Variants in PDLIM5 observed in about 807,000 individuals in gnomAD.
The protein encoded by PDLIM5 is PDZ and LIM domain protein 5.
Under a neutral mutation model 64.2 loss-of-function variants are expected in PDLIM5, and 34 were observed. The observed-to-expected ratio is 0.53, with a 90% CI of 0.40 to 0.71. The LOEUF (loss-of-function observed/expected upper bound fraction) is 0.71, where lower values mean the gene tolerates loss of function less well. Among genes scored for constraint, PDLIM5 ranks in the 30% least tolerant of loss-of-function variants. The pLI is 0.00. For synonymous variants in PDLIM5, 253 were observed against 269.1 expected (o/e 0.94, Z 0.59); for missense variants, 683 against 733.6 (o/e 0.93, Z 0.80).
At chr4:94,629,271 C>T (rs1739949622) in intron 8 of PDLIM5, among the ~76,000 whole-genome samples, 1 of 152,020 alleles carries the variant, frequency 6.6e-6, no homozygotes, top group African/African-American at 2.4e-5. Flanking sequence ...ATTGCTTGAA[C>T]CTGGGGGGCG....
intron 5 of PDLIM5, among the ~76,000 whole-genome samples, chr4:94,580,717 G>T (rs1316739845): frequency 6.6e-6 from 1 of 152,000 alleles, no homozygotes; most frequent in Non-Finnish European, 1.5e-5. Context: ...CATGCCAAGA[G>T]ATTACATACC....
At chr4:94,571,315 CT>C (rs1445501926) in intron 3 of PDLIM5, among the ~76,000 whole-genome samples, 9 of 152,178 alleles carry the variant, frequency 5.9e-5, no homozygotes, top group African/African-American at 2.2e-4. Context: ...TTGGATACTA[CT>C]TTTACAAAAG....
intron 7 of PDLIM5, chr4:94,608,294 T>C (rs1275071316): frequency 3.9e-6 from 2 of 518,784 alleles, no homozygotes; most frequent in Admixed American, 7.4e-5. Context: ...ATCATTAACC[T>C]ATAGACAAGA....
intron 2 of PDLIM5, among the ~76,000 whole-genome samples, chr4:94,521,708 T>C (rs568143142): frequency 1.3e-5 from 2 of 152,086 alleles, no homozygotes; most frequent in East Asian, 3.9e-4. Flanking sequence ...ATTACCTTTA[T>C]ATTACTACTG....
intron 2 of PDLIM5, among the ~76,000 whole-genome samples, chr4:94,511,558 A>G (rs1393515262): frequency 6.6e-6 from 1 of 151,370 alleles, no homozygotes; most frequent in African/African-American, 2.4e-5. Context: ...AGTCTCATAC[A>G]TTCCTTTTAA....
rs748071429 is a variant in PDLIM5 at position 94,576,014 on chromosome 4, T to A, written c.690T>A (p.Gly230=). The change falls in exon 5 of 13, where the codon GGT becomes GGA. Residue 230 remains glycine (G), a synonymous_variant. Coordinates refer to ENST00000317968, the MANE Select transcript of PDLIM5 (RefSeq NM_006457.5). ...LAEGQRRGSQ[G]DSKQQNGPPR... ...AGGGACAGAGAAGAGGATCCCAGGG[T>A]GACAGTAAACAGCAAAATGGGTAGG... is the stretch of plus-strand genomic sequence containing the variant. The A allele has an allele frequency of 6.2e-7, 1 of 1,613,734 alleles. No homozygotes were observed. Among genetic ancestry groups the A allele is most frequent in the South Asian group, 1.1e-5 (1 of 91,042 alleles).
chr4:94,558,113 T>C lies in PDLIM5; in HGVS notation c.249-15238T>C, dbSNP rs555626673. On this transcript the variant is annotated intron_variant, in intron 3 of 12. Transcript: ENST00000317968. ...CCTAATTTATTGAGAGTTTTTAGCA[T>C]CAAGGGCTGTTGAATTTTGTCAAAA... Among the ~76,000 whole-genome samples, 4 of 152,346 alleles carry C rather than the reference T, an allele frequency of 2.6e-5. 1 individual carries two copies. The South Asian group carries it at 8.3e-4, about 32-fold the overall frequency.
chr4:94,489,860 G>A (rs996760454), intron 2 of PDLIM5, among the ~76,000 whole-genome samples: 1 of 151,888 alleles, frequency 6.6e-6, no homozygotes, highest in African/African-American at 2.4e-5. Flanking sequence ...TCTTCATTTG[G>A]TTGCTCTAAT....
At chr4:94,521,882 A>G (rs1560674412) in intron 2 of PDLIM5, among the ~76,000 whole-genome samples, 1 of 152,126 alleles carries the variant, frequency 6.6e-6, no homozygotes, top group Non-Finnish European at 1.5e-5. Flanking sequence ...TCTTTGCTAA[A>G]ATAAAATCTA....
intron 7 of PDLIM5, among the ~76,000 whole-genome samples, chr4:94,600,197 G>A (rs1737383931): frequency 6.6e-6 from 1 of 152,188 alleles, no homozygotes; most frequent in Non-Finnish European, 1.5e-5. Context: ...ATGTGTGAAG[G>A]TGCTTGGCAC....
At chr4:94,543,739 G>T (rs920380096) in intron 3 of PDLIM5, among the ~76,000 whole-genome samples, 1 of 150,350 alleles carries the variant, frequency 6.7e-6, no homozygotes, top group Non-Finnish European at 1.5e-5. Context: ...TTTCACAAAT[G>T]ACAGGATTTC....
rs550688260 is a variant in PDLIM5 at position 94,616,703 on chromosome 4, T to A, written c.921-1301T>A. Among the ~76,000 whole-genome samples, 20 of 152,322 alleles carry A rather than the reference T, an allele frequency of 1.3e-4. No homozygotes were observed. In the East Asian group the frequency reaches 2.9e-3, roughly 22 times the overall value. ...ATAGCGTGTTTTATCATCAAACAGG[T>A]TTTAGTTTTTTAAGTTAAACTGATC... On this transcript the variant is annotated intron_variant, in intron 7 of 12. Transcript: ENST00000317968.
At chr4:94,496,758 G>T (rs533905866) in intron 2 of PDLIM5, among the ~76,000 whole-genome samples, 18 of 152,166 alleles carry the variant, frequency 1.2e-4, no homozygotes, top group South Asian at 2.1e-4. Context: ...CTTCCAAAGT[G>T]TTGGGATTAC....
chr4:94,495,111 G>T (rs1014108241), intron 2 of PDLIM5, among the ~76,000 whole-genome samples: 6 of 152,046 alleles, frequency 3.9e-5, no homozygotes, highest in African/African-American at 1.4e-4. Context: ...TATAATAGTG[G>T]TTCTCCTTAA....
intron 3 of PDLIM5, among the ~76,000 whole-genome samples, chr4:94,557,305 A>G (rs1025477542): frequency 8.6e-5 from 13 of 151,178 alleles, no homozygotes; most frequent in African/African-American, 2.7e-4. Flanking sequence ...TTTGGTTACT[A>G]TAGCCTTGTA....
intron 3 of PDLIM5, 56 bp from the exon 4 acceptor site, chr4:94,573,295 G>T: frequency 2.2e-6 from 3 of 1,377,010 alleles, no homozygotes; most frequent in Non-Finnish European, 3.1e-6. Context: ...TAAGAAGTCT[G>T]CAAGTTTATA....
chr4:94,547,398 G>A (rs1282399888), intron 3 of PDLIM5, among the ~76,000 whole-genome samples: 1 of 152,096 alleles, frequency 6.6e-6, no homozygotes, highest in East Asian at 1.9e-4. Flanking sequence ...AGGCAACAGT[G>A]ACTAAGGGGT....
intron 9 of PDLIM5, among the ~76,000 whole-genome samples, chr4:94,646,729 A>G (rs532755444): frequency 1.9e-4 from 29 of 152,316 alleles, no homozygotes; most frequent in Non-Finnish European, 3.1e-4. Context: ...TATTTTGTAC[A>G]ACAAATGTCC....
chr4:94,573,197 T>C (rs1734952203), intron 3 of PDLIM5, among the ~76,000 whole-genome samples, 154 bp from the exon 4 acceptor site: 2 of 152,202 alleles, frequency 1.3e-5, no homozygotes, highest in South Asian at 4.1e-4. Context: ...AATTAGAAGA[T>C]TGTGAATAGT....
Sources: allele counts gnomAD v4.1 joint callset (sites outside exome capture counted in the v4.1 genomes callset), GRCh38; gene constraint gnomAD v4.1.1; transcripts MANE v1.5; gene names NCBI Gene and HGNC (gene_info 2026-07-23, HGNC 2026-07-21).